The following NUDCD1 variants were observed in gnomAD, a reference collection of about 807,000 sequenced individuals.
NUDCD1 encodes NudC domain containing 1.
NUDCD1 carries 60 observed loss-of-function variants against 67.8 expected under a neutral mutation model. The observed-to-expected ratio is 0.88, with a 90% CI of 0.72 to 1.10. The LOEUF (loss-of-function observed/expected upper bound fraction) is 1.10. Among genes scored for constraint, NUDCD1 ranks in the 50% least tolerant of loss-of-function variants. The pLI is 0.00. For synonymous variants in NUDCD1, 244 were observed against 230.8 expected, an observed-to-expected ratio of 1.06 and a Z score of -0.52; for missense variants, 643 against 695.0, an observed-to-expected ratio of 0.93 and a Z score of 0.84.
At chr8:109,286,739 T>C (rs1007880987) in intron 5 of NUDCD1, among the ~76,000 whole-genome samples, 1 of 152,012 alleles carries the variant, frequency 6.6e-6, no homozygotes, top group Non-Finnish European at 1.5e-5. Flanking sequence ...TATGACTAAG[T>C]ACTCAAAAGG....
intron 8 of NUDCD1, among the ~76,000 whole-genome samples, chr8:109,252,023 G>A (rs1175840598): frequency 2.0e-5 from 3 of 151,938 alleles, no homozygotes; most frequent in Non-Finnish European, 4.4e-5. Flanking sequence ...AGTTTTGCTC[G>A]AGTACTTTCC....
At chr8:109,311,688 G>GT in intron 2 of NUDCD1, among the ~76,000 whole-genome samples, 1 of 151,838 alleles carries the variant, frequency 6.6e-6, no homozygotes, top group African/African-American at 2.4e-5. Context: ...ACCAAACATT[G>GT]TATGTTCTCA....
intron 3 of NUDCD1, among the ~76,000 whole-genome samples, chr8:109,293,875 G>A (rs548610163): frequency 1.3e-5 from 2 of 152,010 alleles, no homozygotes; most frequent in East Asian, 1.9e-4. Context: ...AAAGGCAAGA[G>A]TCAAAAACAT....
intron 8 of NUDCD1, among the ~76,000 whole-genome samples, chr8:109,270,081 GGTGCCTTAA>G (rs1282500774): frequency 0.012 from 384 of 31,762 alleles, 53 homozygotes; most frequent in African/African-American, 0.031. Flanking sequence ...GGGGGGGGGG[GGTGCCTTAA>G]GGTGGGGTGT....
chr8:109,293,499 T>A lies in NUDCD1; in HGVS notation c.485A>T (p.Asp162Val). Residue 162 changes from aspartate (D) to valine (V), a missense_variant, in exon 4 of 10, where the codon GAT becomes GTT. Coordinates refer to ENST00000239690, the MANE Select transcript of NUDCD1 (RefSeq NM_032869.4). ...GATACTGTGAATTATAATAAAAGGATCCCCAAGTTCTTCATTAAACATAAT... is the reference window on the plus strand; with the variant it reads ...GATACTGTGAATTATAATAAAAGGAACCCCAAGTTCTTCATTAAACATAAT... ...WEIMFNEELG[D>V]PFIIIHSISL... is the part of the protein sequence containing the mutation. 1 of 1,553,024 alleles carries A rather than the reference T, an allele frequency of 6.4e-7. No homozygotes were observed. The highest frequency in any genetic ancestry group is 8.7e-7 in the Non-Finnish European group (1 of 1,154,536).
intron 2 of NUDCD1, among the ~76,000 whole-genome samples, chr8:109,306,649 C>T (rs1429036392): frequency 7.2e-6 from 1 of 139,834 alleles, no homozygotes; most frequent in Non-Finnish European, 1.5e-5. Context: ...CACCCCCGGA[C>T]CCCACTGGAC....
At chr8:109,305,105 G>A (rs2926260) in intron 2 of NUDCD1, among the ~76,000 whole-genome samples, 3 of 151,758 alleles carry the variant, frequency 2.0e-5, no homozygotes, top group Non-Finnish European at 1.5e-5. Flanking sequence ...TGCTATTCTA[G>A]TACTCCTCAG....
At chr8:109,302,539 C>G (rs1490624545) in intron 2 of NUDCD1, among the ~76,000 whole-genome samples, 2 of 152,154 alleles carry the variant, frequency 1.3e-5, no homozygotes, top group Non-Finnish European at 2.9e-5. Flanking sequence ...TCCACTCCCC[C>G]ACCCTATAAC....
intron 2 of NUDCD1, among the ~76,000 whole-genome samples, chr8:109,321,626 T>C (rs1815539626): frequency 6.6e-6 from 1 of 152,038 alleles, no homozygotes; most frequent in Admixed American, 6.5e-5. Flanking sequence ...ATGGTAATAT[T>C]AGCCCAAGAA....
chr8:109,279,644 C>CT (rs1021309091), intron 6 of NUDCD1, among the ~76,000 whole-genome samples: 30 of 148,718 alleles, frequency 2.0e-4, no homozygotes, highest in Middle Eastern at 6.8e-3. Context: ...GTATTTCTTT[C>CT]TTTTTTTTTT....
intron 1 of NUDCD1, among the ~76,000 whole-genome samples, chr8:109,331,901 C>T (rs962702528): frequency 2.0e-5 from 3 of 152,062 alleles, no homozygotes; most frequent in African/African-American, 7.2e-5. Flanking sequence ...CAAACAAGGC[C>T]CTCACTGATT....
At chr8:109,295,066 A>T (rs1814809464) in intron 3 of NUDCD1, among the ~76,000 whole-genome samples, 1 of 152,158 alleles carries the variant, frequency 6.6e-6, no homozygotes, top group Non-Finnish European at 1.5e-5. Context: ...ATGCTAAAGA[A>T]GGCACAAGGT....
Position 109,242,992 on chromosome 8 carries a change from C to T in NUDCD1, c.*17G>A, listed in dbSNP as rs199604525. The T allele has an allele frequency of 6.3e-5, 96 of 1,525,476 alleles. No individual in the cohort carries two copies. Among genetic ancestry groups the T allele is most frequent in the Non-Finnish European group, 8.5e-5 (94 of 1,107,064 alleles). 94.5% of individuals were successfully genotyped at this position (1,525,476 alleles called of 1,614,324 possible). On this transcript the variant is annotated 3_prime_UTR_variant, in exon 10 of 10. Coordinates refer to ENST00000239690, the MANE Select transcript of NUDCD1 (RefSeq NM_032869.4). ...TGAATACTTTTCCAGTACAAAGAGGCCAATATGTTAGAATAATTAATTCTC... is the reference window on the plus strand; with the variant it reads ...TGAATACTTTTCCAGTACAAAGAGGTCAATATGTTAGAATAATTAATTCTC...
chr8:109,319,573 T>C (rs1051019311), intron 2 of NUDCD1, among the ~76,000 whole-genome samples: 1 of 152,272 alleles, frequency 6.6e-6, no homozygotes, highest in Non-Finnish European at 1.5e-5. Context: ...TAAGTAAAGA[T>C]TGCAAAGCAG....
rs1308493268 is a variant in NUDCD1 at position 109,245,389 on chromosome 8, T to G, written c.1392A>C (p.Leu464=). ...CFCLRHDVDA[L]LWQPHSSKQD... ...GTTTGCTGGAGTGTGGTTGCCAGAG[T>G]AGGGCATCAACATCATGGCGCAAAC... Residue 464 remains leucine, a synonymous_variant, in exon 9 of 10, where the codon CTA becomes CTC. Coordinates refer to ENST00000239690, the MANE Select transcript of NUDCD1 (RefSeq NM_032869.4). 1.2e-6 allele frequency: 2 copies of G among 1,613,832 alleles called. No individual in the cohort carries two copies. The highest frequency in any genetic ancestry group is 1.1e-5 in the South Asian group (1 of 91,064).
At chr8:109,305,985 G>A (rs1815093254) in intron 2 of NUDCD1, among the ~76,000 whole-genome samples, 1 of 151,982 alleles carries the variant, frequency 6.6e-6, no homozygotes, top group Non-Finnish European at 1.5e-5. Flanking sequence ...ATTCTATTAG[G>A]TCTATTTGTC....
chr8:109,296,731 T>A (rs1479256044), intron 2 of NUDCD1, among the ~76,000 whole-genome samples, 162 bp from the exon 3 acceptor site: 3 of 152,160 alleles, frequency 2.0e-5, no homozygotes, highest in African/African-American at 7.2e-5. Context: ...TTAACAAAAA[T>A]ATACAGTAGA....
intron 8 of NUDCD1, among the ~76,000 whole-genome samples, chr8:109,247,207 C>T (rs1474322077): frequency 6.6e-6 from 1 of 152,048 alleles, no homozygotes; most frequent in African/African-American, 2.4e-5. Context: ...CCCTGTACTC[C>T]AACTCTGATA....
intron 1 of NUDCD1, among the ~76,000 whole-genome samples, chr8:109,332,888 C>T (rs1161240578): frequency 6.6e-6 from 1 of 152,232 alleles, no homozygotes; most frequent in African/African-American, 2.4e-5. Flanking sequence ...AAGACGCCTT[C>T]CCAGATCCCC....
Sources: gnomAD v4.1 joint callset for allele counts (sites outside exome capture counted in the v4.1 genomes callset) on GRCh38, gnomAD v4.1.1 for gene constraint, MANE v1.5 for transcripts, NCBI Gene and HGNC (gene_info 2026-07-23, HGNC 2026-07-21) for gene names.